Variants in RABGEF1 observed in about 807,000 individuals in gnomAD.
RABGEF1 encodes the protein rab5 GDP/GTP exchange factor.
A neutral mutation model predicts 57.3 loss-of-function variants in RABGEF1; 26 were observed. The ratio of observed to expected loss-of-function variants is 0.45; its 90% CI spans 0.33 to 0.63. The LOEUF (loss-of-function observed/expected upper bound fraction) is 0.63. RABGEF1 is among the 20% of genes least tolerant of loss of function. RABGEF1 has a pLI of 0.02. For synonymous variants in RABGEF1, 185 were observed against 210.7 expected (o/e 0.88, Z 1.06); for missense variants, 464 against 607.6 (o/e 0.76, Z 2.48).
chr7:66,724,413 G>T (rs1286501581), intron 2 of RABGEF1, among the ~76,000 whole-genome samples: 1 of 151,508 alleles, frequency 6.6e-6, no homozygotes, highest in Non-Finnish European at 1.5e-5. Flanking sequence ...AGGTTGGAGT[G>T]CAGTGGCGCG....
intron 1 of RABGEF1, among the ~76,000 whole-genome samples, chr7:66,696,373 T>C (rs1478643351): frequency 6.6e-6 from 1 of 151,926 alleles, no homozygotes; most frequent in African/African-American, 2.4e-5. Flanking sequence ...CAAGGGACTT[T>C]TAAAACTTTT....
At chr7:66,719,895 G>A (rs1302884939) in intron 2 of RABGEF1, among the ~76,000 whole-genome samples, 1 of 152,170 alleles carries the variant, frequency 6.6e-6, no homozygotes, top group East Asian at 1.9e-4. Flanking sequence ...TGACTTTACA[G>A]AACAAGGTTT....
the RABGEF1 span, among the ~76,000 whole-genome samples, chr7:66,662,064 C>T: frequency 6.6e-5 from 10 of 151,934 alleles, no homozygotes; most frequent in East Asian, 7.7e-4. Flanking sequence ...GGTGAAACCC[C>T]GTCTCTACTA....
chr7:66,693,095 G>A (rs1228882434), intron 1 of RABGEF1, among the ~76,000 whole-genome samples: 9 of 152,192 alleles, frequency 5.9e-5, no homozygotes, highest in Admixed American at 5.9e-4. Context: ...CGTCGTTCTA[G>A]AAGCCCTGAG....
chr7:66,679,081 T>A (rs1789508564), upstream of RABGEF1, among the ~76,000 whole-genome samples: 1 of 152,184 alleles, frequency 6.6e-6, no homozygotes, highest in Admixed American at 6.6e-5. Context: ...CATATTGACG[T>A]TGGTTTGGCT....
At position 66,786,164 on chromosome 7, in the gene RABGEF1, A is replaced by T. The variant is rs78320174; in HGVS notation, c.513+2323A>T. 4.5e-4 allele frequency among the ~76,000 whole-genome samples: 69 copies of T among 152,312 alleles called. No individual in the cohort carries two copies. The East Asian group carries it at 0.013, about 29-fold the overall frequency. ...CATTTCTGTTTTCTCCAAGCCCTGT[A>T]TATGCCGGTGGTGAGCAGCCTTTTC... On this transcript the variant is annotated intron_variant, in intron 4 of 8. Transcript: ENST00000284957.
Position 66,799,396 on chromosome 7 carries a change from G to A in RABGEF1, c.802G>A (p.Val268Met). 1.2e-6 allele frequency: 2 copies of A among 1,609,760 alleles called. No homozygotes were observed. The highest frequency in any genetic ancestry group is 1.7e-6 in the Non-Finnish European group (2 of 1,176,030). The change falls in exon 7 of 9, where the codon GTG becomes ATG. Residue 268 changes from valine (V) to methionine (M), a missense_variant. This residue lies in a region of RABGEF1 where 284 missense variants were observed against 389.9 expected (regional missense o/e 0.73). Transcript: ENST00000284957. ...AGACATCCCAGAAGTGTCTGATATG[G>A]TGGTGAAGGCGATCACAGGTCAGTG... ...NEDIPEVSDM[V>M]VKAITDIIEM...
chr7:66,765,098 A>G (rs573732830), intron 1 of RABGEF1, among the ~76,000 whole-genome samples: 1 of 151,696 alleles, frequency 6.6e-6, no homozygotes, highest in East Asian at 1.9e-4. Context: ...AGCACCAGAG[A>G]GTGAAGGTCA....
At chr7:66,755,826 T>C (rs1480236234) in intron 1 of RABGEF1, 4 of 403,658 alleles carry the variant, frequency 9.9e-6, no homozygotes, top group African/African-American at 8.3e-5. Context: ...CCCTGCTTGC[T>C]CTGCTCATTC....
upstream of RABGEF1, among the ~76,000 whole-genome samples, chr7:66,735,934 C>G (rs1186442434): frequency 6.6e-6 from 1 of 152,144 alleles, no homozygotes; most frequent in Admixed American, 6.6e-5. Flanking sequence ...AAATTGAGAA[C>G]TAGATATAGA....
At chr7:66,747,540 C>G (rs561346870) in intron 1 of RABGEF1, among the ~76,000 whole-genome samples, 5 of 152,088 alleles carry the variant, frequency 3.3e-5, no homozygotes, top group Non-Finnish European at 7.4e-5. Context: ...AATTAAAAAT[C>G]GCTTTTGGGG....
chr7:66,747,710 A>G (rs1191256489), intron 1 of RABGEF1, among the ~76,000 whole-genome samples: 3 of 152,082 alleles, frequency 2.0e-5, no homozygotes, highest in African/African-American at 7.2e-5. Context: ...TTCCTTTAGA[A>G]GGTACTTTGG....
At chr7:66,677,656 G>A (rs1789371877), upstream of RABGEF1, among the ~76,000 whole-genome samples, 1 of 151,716 alleles carries the variant, frequency 6.6e-6, no homozygotes, top group Non-Finnish European at 1.5e-5. Flanking sequence ...CAGCTACTCG[G>A]GAGGCTGAGG....
chr7:66,736,382 G>A (rs553051816), upstream of RABGEF1, among the ~76,000 whole-genome samples: 2 of 152,304 alleles, frequency 1.3e-5, no homozygotes, highest in African/African-American at 4.8e-5. Flanking sequence ...TCAGTGCAGT[G>A]AACAACCTAT....
intron 1 of RABGEF1, among the ~76,000 whole-genome samples, chr7:66,683,685 G>C (rs1790139762): frequency 1.3e-5 from 2 of 152,030 alleles, no homozygotes; most frequent in African/African-American, 4.8e-5. Flanking sequence ...TGAGGGAGAG[G>C]GGGGAACCAA....
At position 66,808,988 on chromosome 7, in the gene RABGEF1, CA is replaced by C. The variant is rs1266050445; in HGVS notation, c.1182del (p.Glu395LysfsTer11). 1.2e-6 allele frequency: 2 copies of C among 1,614,004 alleles called. No homozygotes were observed. Among genetic ancestry groups the C allele is most frequent in the Non-Finnish European group, 1.7e-6 (2 of 1,180,038 alleles). ...GTCTGGCCAGACCTCTCCCAGGAAG[CA>C]AGAAGCTGAGAGTTGGTCTCCTGAT... ...YMSGQTSPRK[Q>X]EAESWSPDAC... On this transcript the variant is annotated frameshift_variant, in exon 9 of 9. Coordinates refer to ENST00000284957, the MANE Select transcript of RABGEF1 (RefSeq NM_014504.3). LOFTEE classifies it high-confidence loss of function.
chr7:66,767,472 C>A (rs770416502), intron 1 of RABGEF1, among the ~76,000 whole-genome samples: 3 of 152,220 alleles, frequency 2.0e-5, no homozygotes, highest in Non-Finnish European at 2.9e-5. Flanking sequence ...TAGTCACATT[C>A]TTTCCTACCC....
intron 1 of RABGEF1, among the ~76,000 whole-genome samples, chr7:66,742,698 C>T (rs926752713): frequency 2.6e-5 from 4 of 152,122 alleles, no homozygotes; most frequent in Admixed American, 6.6e-5. Context: ...TCTCAACTGC[C>T]TGTGCTGAAG....
chr7:66,732,706 T>G (rs1238732215), intron 2 of RABGEF1, among the ~76,000 whole-genome samples: 1 of 151,906 alleles, frequency 6.6e-6, no homozygotes, highest in African/African-American at 2.4e-5. Flanking sequence ...GCTCTCTCTC[T>G]CTCGCTCACT....
Sources: gnomAD v4.1 joint callset for allele counts (sites outside exome capture counted in the v4.1 genomes callset) on GRCh38, gnomAD v4.1.1 for gene constraint, gnomAD v4.1.1 regional missense constraint, MANE v1.5 for transcripts, NCBI Gene and HGNC (gene_info 2026-07-23, HGNC 2026-07-21) for gene names.